The following MAP2K3 variants were observed in gnomAD, a reference collection of about 807,000 sequenced individuals.
MAP2K3 encodes dual specificity mitogen-activated protein kinase kinase 3.
MAP2K3 carries 30 observed loss-of-function variants against 46.4 expected under a neutral mutation model. That is an observed-to-expected ratio of 0.65 (90% CI 0.48 to 0.88). The LOEUF (loss-of-function observed/expected upper bound fraction) is 0.88, where lower values mean the gene tolerates loss of function less well. Among genes scored for constraint, MAP2K3 ranks in the 40% least tolerant of loss-of-function variants. The pLI, the probability that MAP2K3 is intolerant of heterozygous loss-of-function variation, is 0.00. For synonymous variants in MAP2K3, 189 were observed against 176.3 expected, an observed-to-expected ratio of 1.07 and a Z score of -0.57; for missense variants, 380 against 464.5, an observed-to-expected ratio of 0.82 and a Z score of 1.67.
At position 21,304,372 on chromosome 17, in the gene MAP2K3, C is replaced by T. The variant is rs944718082; in HGVS notation, c.569-54C>T. The T allele has an allele frequency of 3.3e-5, 54 of 1,613,866 alleles. No homozygotes were observed. In the African/African-American group the frequency reaches 4.4e-4, roughly 13 times the overall value. Reference sequence around the variant, plus strand: ...GGGCACAGCTATGCAGAGCATGGCACCTGCCTCCAGTCGTGCTCCACAGAC... The same window carrying T: ...GGGCACAGCTATGCAGAGCATGGCATCTGCCTCCAGTCGTGCTCCACAGAC... On this transcript the variant is annotated intron_variant, in intron 7 of 11. Coordinates refer to ENST00000342679, the MANE Select transcript of MAP2K3 (RefSeq NM_145109.3).
At chr17:21,311,805 G>T (rs1399259748) in intron 9 of MAP2K3, 1 of 201,020 alleles carries the variant, frequency 5.0e-6, no homozygotes, top group Non-Finnish European at 9.9e-6. Context: ...AAAGTTGCCA[G>T]CTCCTCAGAT....
chr17:21,302,355 T>G, intron 6 of MAP2K3, 96 bp downstream of exon 6: 1 of 1,338,418 alleles, frequency 7.5e-7, no homozygotes, highest in African/African-American at 1.4e-5. Flanking sequence ...GATGGTGTCT[T>G]GGGCAGAGCT....
chr17:21,293,644 A>T (rs1976073741), intron 1 of MAP2K3, among the ~76,000 whole-genome samples: 1 of 152,312 alleles, frequency 6.6e-6, no homozygotes, highest in Non-Finnish European at 1.5e-5. Flanking sequence ...GAGGCCCTGG[A>T]GGCCAGGCCC....
intron 11 of MAP2K3, 150 bp downstream of exon 11, chr17:21,313,687 G>C: frequency 7.3e-6 from 5 of 682,412 alleles, no homozygotes; most frequent in Non-Finnish European, 1.3e-5. Flanking sequence ...TCATTTGTTT[G>C]CTCCTGCATA....
At chr17:21,292,975 C>T (rs1976027126) in intron 1 of MAP2K3, among the ~76,000 whole-genome samples, 1 of 152,310 alleles carries the variant, frequency 6.6e-6, no homozygotes, top group Non-Finnish European at 1.5e-5. Context: ...ACATTAGTAC[C>T]TGCCTCAAGG....
chr17:21,288,218 C>A, intron 1 of MAP2K3: 1 of 678,082 alleles, frequency 1.5e-6, no homozygotes, highest in Non-Finnish European at 2.2e-6. Flanking sequence ...CAGGTGGCAC[C>A]TAGCCCTGAG....
intron 10 of MAP2K3, 125 bp downstream of exon 10, chr17:21,312,406 T>C: frequency 3.0e-6 from 3 of 1,008,308 alleles, no homozygotes; most frequent in Non-Finnish European, 2.7e-6. Context: ...CATCCAAATA[T>C]GTAAGGCAGA....
In MAP2K3 at chr17:21,298,234, C is replaced by T. The variant is rs1265983295; in HGVS notation, c.50-179C>T. On this transcript the variant is annotated intron_variant, in intron 1 of 11. Coordinates refer to ENST00000342679, the MANE Select transcript of MAP2K3 (RefSeq NM_145109.3). ...TGTCCTGCTCTGCTCCCCTGCAGGGCTGGTGGGCCTCCTTCCCCCTTTGAA... is the reference window on the plus strand; with the variant it reads ...TGTCCTGCTCTGCTCCCCTGCAGGGTTGGTGGGCCTCCTTCCCCCTTTGAA... 16 of 875,610 alleles carry T rather than the reference C, an allele frequency of 1.8e-5. No homozygotes were observed. In the East Asian group the frequency reaches 3.4e-4, roughly 18 times the overall value. 54.2% of individuals were successfully genotyped at this position (875,610 alleles called of 1,614,324 possible).
Position 21,312,427 on chromosome 17 carries a change from G to C in MAP2K3, c.914+146G>C, listed in dbSNP as rs565528619. 1,922 of 740,648 alleles carry C rather than the reference G, an allele frequency of 2.6e-3. 29 individuals are homozygous for C. The African/African-American group carries it at 0.032, about 12-fold the overall frequency. The allele number at this position is 740,648 out of a possible 1,614,324, so 45.9% of individuals were successfully genotyped here. On this transcript the variant is annotated intron_variant, in intron 10 of 11. Coordinates refer to ENST00000342679, the MANE Select transcript of MAP2K3 (RefSeq NM_145109.3). ...AATATGTAAGGCAGAAACAGCTGGAGCATGAGGAGCATTTGACAAAACGAT... is the reference window on the plus strand; with the variant it reads ...AATATGTAAGGCAGAAACAGCTGGACCATGAGGAGCATTTGACAAAACGAT...
intron 9 of MAP2K3, among the ~76,000 whole-genome samples, chr17:21,306,462 C>T (rs572967480): frequency 1.4e-4 from 21 of 152,402 alleles, no homozygotes; most frequent in African/African-American, 4.1e-4. Context: ...CCTGTGCTTG[C>T]GAACCTACAG....
chr17:21,300,496 G>A (rs775190639), intron 3 of MAP2K3, 49 bp from the exon 4 acceptor site: 5 of 1,558,682 alleles, frequency 3.2e-6, no homozygotes, highest in Admixed American at 3.8e-5. Context: ...ATGGGGTGAG[G>A]ACTGGCTTCC....
At chr17:21,292,385 TCTC>T (rs1567659376) in intron 1 of MAP2K3, among the ~76,000 whole-genome samples, 4 of 152,074 alleles carry the variant, frequency 2.6e-5, no homozygotes, top group Admixed American at 6.6e-5. Context: ...TCCTTCTTCT[TCTC>T]ATTTTTTTTT....
chr17:21,311,608 C>CTCTGTG lies in MAP2K3; in HGVS notation c.775-533_775-532insCTGTGT, dbSNP rs1491218305. ...ACTCTGTCCGCGGCCTTGGAGACAG[C>CTCTGTG]TGTGTGTGTGTGTGTGTGTGTGTGT... On this transcript the variant is annotated intron_variant, in intron 9 of 11. Coordinates refer to ENST00000342679, the MANE Select transcript of MAP2K3 (RefSeq NM_145109.3). 2.8e-3 allele frequency: 407 copies of CTCTGTG among 143,766 alleles called. 2 individuals carry two copies. The highest frequency in any genetic ancestry group is 5.3e-3 in the South Asian group (23 of 4,374). 8.9% of individuals were successfully genotyped at this position (143,766 alleles called of 1,614,324 possible). A position where few individuals can be genotyped will look rare whatever the true frequency, so the allele number is the denominator to read the frequency against.
intron 7 of MAP2K3, 66 bp from the exon 8 acceptor site, chr17:21,304,360 C>G: frequency 1.2e-6 from 2 of 1,612,986 alleles, no homozygotes; most frequent in Admixed American, 1.7e-5. Flanking sequence ...CACAGCTATG[C>G]AGAGCATGGC....
chr17:21,314,033 T>G, intron 11 of MAP2K3, 114 bp from the exon 12 acceptor site: 1 of 776,900 alleles, frequency 1.3e-6, no homozygotes, highest in Non-Finnish European at 2.3e-6. Context: ...CCTAGAAGGA[T>G]GAGTAGGATT....
intron 1 of MAP2K3, among the ~76,000 whole-genome samples, chr17:21,292,367 A>G: frequency 6.6e-6 from 1 of 151,944 alleles, no homozygotes; most frequent in African/African-American, 2.4e-5. Context: ...ACACTCCAGC[A>G]TTTTCTTTCC....
chr17:21,309,333 C>T (rs79441080), intron 9 of MAP2K3, among the ~76,000 whole-genome samples: 3 of 149,304 alleles, frequency 2.0e-5, no homozygotes, highest in South Asian at 4.3e-4. Flanking sequence ...GGAATGCTCC[C>T]GGCTTAATGG....
chr17:21,306,770 A>C (rs538627131), intron 9 of MAP2K3, among the ~76,000 whole-genome samples: 1 of 152,394 alleles, frequency 6.6e-6, no homozygotes, highest in African/African-American at 2.4e-5. Flanking sequence ...GGCATGAGCC[A>C]CCACGCCCAG....
chr17:21,304,415 C>T lies in MAP2K3; in HGVS notation c.569-11C>T. The T allele has an allele frequency of 1.2e-6, 2 of 1,614,302 alleles. No homozygotes were observed. The highest frequency in any genetic ancestry group is 1.1e-5 in the South Asian group (1 of 91,092). On this transcript the variant is annotated splice_polypyrimidine_tract_variant and intron_variant, in intron 7 of 11. Transcript: ENST00000342679. The stretch of plus-strand genomic sequence containing the variant: ...CCACAGACGTGGCTGAGGCATGTCC[C>T]TCCCTGGCAGATGTGAAGCCCTCCA...
Sources: allele counts gnomAD v4.1 joint callset (sites outside exome capture counted in the v4.1 genomes callset), GRCh38; gene constraint gnomAD v4.1.1; transcripts MANE v1.5; gene names NCBI Gene and HGNC (gene_info 2026-07-23, HGNC 2026-07-21).